TRPV3: variants seen among roughly 807,000 people sequenced by gnomAD.
TRPV3 encodes the protein VRL-3.
Under a neutral mutation model 87.1 loss-of-function variants are expected in TRPV3, and 88 were observed. The observed-to-expected ratio is 1.01, with a 90% CI of 0.85 to 1.21. The LOEUF is 1.21. TRPV3 is among the 50% of genes most tolerant of loss of function. TRPV3 has a pLI of 0.00. For missense variants in TRPV3, 1,054 were observed against 1,030.1 expected, an observed-to-expected ratio of 1.02 and a Z score of -0.32; for synonymous variants, 438 against 423.3, an observed-to-expected ratio of 1.03 and a Z score of -0.43.
chr17:3,542,444 T>C, intron 6 of TRPV3, 78 bp downstream of exon 6: 1 of 1,509,402 alleles, frequency 6.6e-7, no homozygotes. Context: ...CCACGTGGCC[T>C]GGCCAGCAGT....
At chr17:3,554,695 A>T (rs2074610094) in intron 2 of TRPV3, 37 bp downstream of exon 2, 1 of 1,448,114 alleles carries the variant, frequency 6.9e-7, no homozygotes, top group Admixed American at 1.8e-5. Context: ...TGCCCCTCAC[A>T]GTGCCGCAGT....
chr17:3,542,370 G>A (rs2074471696), intron 6 of TRPV3, 152 bp downstream of exon 6: 1 of 831,626 alleles, frequency 1.2e-6, no homozygotes, highest in Non-Finnish European at 1.8e-6. Context: ...AGAAAGAGAG[G>A]GTTGCCTGAA....
chr17:3,535,347 CCTTCCTTCCTCCCTCATCCTTCCTG>C (rs1439563109), intron 7 of TRPV3, among the ~76,000 whole-genome samples: 3 of 127,526 alleles, frequency 2.4e-5, no homozygotes, highest in Non-Finnish European at 5.1e-5. Flanking sequence ...CTCCCTCCTC[CCTTCCTTCCTCCCTCATCCTTCCTG>C]CTTCCTTCCT....
rs2074341728 is a variant in TRPV3 at position 3,530,691 on chromosome 17, C to T, written c.1066-488G>A. ...AGAGACACCACGCCCTACAGGGAGG[C>T]CCGTGGGACTTCGGTAGGCCAGTGA... On this transcript the variant is annotated intron_variant, in intron 8 of 17. Transcript: ENST00000576742. The surrounding 1 kb of genome is among the most constrained non-coding windows in gnomAD (Gnocchi z 4.0). Among the ~76,000 whole-genome samples the T allele has an allele frequency of 6.6e-6, 1 of 152,164 alleles. No homozygotes were observed. Among genetic ancestry groups the T allele is most frequent in the Admixed American group, 6.5e-5 (1 of 15,276 alleles).
At position 3,532,656 on chromosome 17, in the gene TRPV3, C is replaced by G. The variant is rs777236138; in HGVS notation, c.1065+1G>C. The G allele has an allele frequency of 1.9e-6, 3 of 1,613,780 alleles. No individual in the cohort carries two copies. Among genetic ancestry groups the G allele is most frequent in the East Asian group, 4.5e-5 (2 of 44,882 alleles). On this transcript the variant is annotated splice_donor_variant, in intron 8 of 17. Transcript: ENST00000576742. LOFTEE classifies it high-confidence loss of function. ...TGCCTCCCCACGCCCCATGGCCCCA[C>G]CTCCGCCTTGCCCATCTTGGCGGCC...
chr17:3,525,641 A>G (rs1406216852), intron 12 of TRPV3, among the ~76,000 whole-genome samples: 1 of 143,932 alleles, frequency 6.9e-6, no homozygotes, highest in Non-Finnish European at 1.5e-5. Flanking sequence ...TTTTTTTGAG[A>G]TGTAGTCTCA....
intron 6 of TRPV3, among the ~76,000 whole-genome samples, chr17:3,541,824 C>T (rs2074464407): frequency 6.6e-6 from 1 of 152,246 alleles, no homozygotes; most frequent in African/African-American, 2.4e-5. Context: ...TCTGACTGTC[C>T]ACTCTAAAGT....
At position 3,528,813 on chromosome 17, in the gene TRPV3, T is replaced by G; in HGVS notation, c.1401+24A>C. 4.3e-6 allele frequency: 7 copies of G among 1,613,048 alleles called. No individual in the cohort carries two copies. Among genetic ancestry groups the G allele is most frequent in the Non-Finnish European group, 5.9e-6 (7 of 1,179,570 alleles). ...CCCTCCAGCTCTGACGGCCCCATTT[T>G]CCCCCTCCAAGGGGCCCACGTACCT... On this transcript the variant is annotated intron_variant, in intron 10 of 17. Coordinates refer to ENST00000576742, the MANE Select transcript of TRPV3 (RefSeq NM_145068.4). This position sits in a 1 kb window ranked among gnomAD's most constrained non-coding sequence, Gnocchi z 4.2.
rs1008215004 is a variant in TRPV3 at position 3,521,371 on chromosome 17, T to G, written c.1744-332A>C. On this transcript the variant is annotated intron_variant, in intron 13 of 17. Transcript: ENST00000576742. ...CCAGCTCAGAAGAGCTCGCAAGAGC[T>G]GATCGTTAAATTCTCATGAAGCTTG... is the stretch of plus-strand genomic sequence containing the variant. Among the ~76,000 whole-genome samples the G allele has an allele frequency of 2.6e-5, 4 of 152,214 alleles. No homozygotes were observed. In the South Asian group the frequency reaches 8.3e-4, roughly 31 times the overall value.
Position 3,513,963 on chromosome 17 carries a change from A to C in TRPV3, c.2327T>G (p.Leu776Arg), listed in dbSNP as rs1306750693. The C allele has an allele frequency of 1.2e-6, 2 of 1,614,130 alleles. No individual in the cohort carries two copies. Residue 776 changes from leucine (L) to arginine (R), a missense_variant, in exon 18 of 18, where the codon CTC becomes CGC. Transcript: ENST00000576742. ...DSSRNNSKTT[L>R]NAFEEVEEFP... is the part of the protein sequence containing the mutation. ...TTCCTCGACTTCTTCAAATGCATTGAGAGTGGTTTTGCTGTTGTTCCTGGA... is the reference window on the plus strand; with the variant it reads ...TTCCTCGACTTCTTCAAATGCATTGCGAGTGGTTTTGCTGTTGTTCCTGGA...
chr17:3,555,245 G>T (rs916368077), intron 1 of TRPV3, among the ~76,000 whole-genome samples: 6 of 152,188 alleles, frequency 3.9e-5, no homozygotes, highest in Non-Finnish European at 1.5e-5. Flanking sequence ...ACCCTCTCCA[G>T]CTGACCAGTC....
intron 16 of TRPV3, among the ~76,000 whole-genome samples, chr17:3,515,920 C>T (rs549016975): frequency 4.3e-4 from 66 of 152,182 alleles, no homozygotes; most frequent in African/African-American, 1.6e-3. Flanking sequence ...GGTGCGGTGG[C>T]TCATGCCTGT....
intron 12 of TRPV3, among the ~76,000 whole-genome samples, chr17:3,525,239 C>T (rs1597472883): frequency 6.6e-6 from 1 of 152,142 alleles, no homozygotes; most frequent in Non-Finnish European, 1.5e-5. Context: ...AGGCTGGTCT[C>T]GAACTTCTGA....
At chr17:3,516,644 G>A in intron 15 of TRPV3, 75 bp from the exon 16 acceptor site, 1 of 1,044,472 alleles carries the variant, frequency 9.6e-7, no homozygotes, top group Non-Finnish European at 1.5e-6. Flanking sequence ...CACTGTCGGG[G>A]AGCCCACTCC....
At chr17:3,539,275 CA>C (rs1191849759) in intron 6 of TRPV3, among the ~76,000 whole-genome samples, 2 of 151,214 alleles carry the variant, frequency 1.3e-5, no homozygotes, top group East Asian at 3.9e-4. Context: ...GAAAACTCCA[CA>C]AAGTATATGG....
At chr17:3,520,926 A>G (rs72634011) in intron 14 of TRPV3, 47 bp downstream of exon 14, 250,598 of 1,340,072 alleles carry the variant, frequency 0.19, 30,001 homozygotes, top group East Asian at 0.61. Flanking sequence ...ACATCTGTAT[A>G]AAGTGTTTAT....
chr17:3,550,436 C>G (rs2074562848), intron 2 of TRPV3, among the ~76,000 whole-genome samples: 1 of 152,002 alleles, frequency 6.6e-6, no homozygotes, highest in Non-Finnish European at 1.5e-5. Flanking sequence ...TCCATAGTGT[C>G]CTCGTGCTGC....
chr17:3,549,489 A>C (rs1361560627), intron 2 of TRPV3, among the ~76,000 whole-genome samples: 1 of 152,262 alleles, frequency 6.6e-6, no homozygotes, highest in Non-Finnish European at 1.5e-5. Context: ...TTGATTCCCA[A>C]CACTGGTCCT....
At chr17:3,514,533 G>T in intron 17 of TRPV3, 60 bp downstream of exon 17, 1 of 1,280,268 alleles carries the variant, frequency 7.8e-7, no homozygotes, top group Non-Finnish European at 1.1e-6. Context: ...GACTTGATCT[G>T]CCCAAGGTTA....
Sources: allele counts gnomAD v4.1 joint callset (sites outside exome capture counted in the v4.1 genomes callset), GRCh38; gene constraint gnomAD v4.1.1; non-coding constraint Gnocchi (gnomAD v3.1); transcripts MANE v1.5; gene names NCBI Gene and HGNC (gene_info 2026-07-23, HGNC 2026-07-21).